ENOX1: variants seen among roughly 807,000 people sequenced by gnomAD.
The protein encoded by ENOX1 is candidate growth-related and time keeping constitutive hydroquinone (NADH) oxidase.
ENOX1 carries 42 observed loss-of-function variants against 82.5 expected under a neutral mutation model. The observed-to-expected ratio is 0.51, with a 90% CI of 0.40 to 0.66. The LOEUF (loss-of-function observed/expected upper bound fraction) is 0.66. Ranked by LOEUF, ENOX1 falls within the 30% of genes least tolerant of loss-of-function variation. The pLI, the probability that ENOX1 is intolerant of heterozygous loss-of-function variation, is 0.00. For missense variants in ENOX1, 608 were observed against 811.6 expected, an observed-to-expected ratio of 0.75 and a Z score of 3.05; for synonymous variants, 271 against 282.2, an observed-to-expected ratio of 0.96 and a Z score of 0.40.
intron 5 of ENOX1, among the ~76,000 whole-genome samples, chr13:43,389,802 AT>A (rs972683784): frequency 6.6e-6 from 1 of 152,192 alleles, no homozygotes; most frequent in African/African-American, 2.4e-5. Context: ...TTAAGTGAAA[AT>A]ATCTCTTGAT....
chr13:43,379,894 A>G (rs2051910072), intron 5 of ENOX1, among the ~76,000 whole-genome samples: 2 of 151,936 alleles, frequency 1.3e-5, no homozygotes, highest in South Asian at 4.1e-4. Flanking sequence ...GATAAAGACA[A>G]ACTCTTAAGA....
In ENOX1 at chr13:43,721,448, G is replaced by A. The variant is rs868616065; in HGVS notation, c.-284-53904C>T. ...GGCTGGAGTGCAGTGGCGGGATCTC[G>A]GCTCACTGCAAGCTCCGCCTCCCGG... On this transcript the variant is annotated intron_variant, in intron 1 of 16. Transcript: ENST00000690772. Among the ~76,000 whole-genome samples the A allele has an allele frequency of 2.8e-3, 362 of 128,286 alleles. 2 individuals are homozygous for A. In the Middle Eastern group the frequency reaches 0.054, roughly 19 times the overall value. The allele number at this position is 128,286 out of a possible 152,430, so 84.2% of individuals were successfully genotyped here. A position where few individuals can be genotyped will look rare whatever the true frequency, so the allele number is the denominator to read the frequency against.
At chr13:43,315,660 G>A (rs2047436185) in intron 11 of ENOX1, among the ~76,000 whole-genome samples, 1 of 152,210 alleles carries the variant, frequency 6.6e-6, no homozygotes, top group South Asian at 2.1e-4. Flanking sequence ...TACTAAGAGT[G>A]TCGATAAAAT....
intron 16 of ENOX1, among the ~76,000 whole-genome samples, chr13:43,220,970 G>A (rs1324205202): frequency 6.6e-6 from 1 of 152,196 alleles, no homozygotes; most frequent in Non-Finnish European, 1.5e-5. Flanking sequence ...CCATAGCCAA[G>A]ACATTTAAAT....
chr13:43,726,169 A>G (rs150659928), intron 1 of ENOX1, among the ~76,000 whole-genome samples: 237 of 152,180 alleles, frequency 1.6e-3, no homozygotes, highest in African/African-American at 5.0e-3. Context: ...CAAAAAAACA[A>G]AACTTTAAAG....
intron 2 of ENOX1, among the ~76,000 whole-genome samples, chr13:43,530,890 C>T (rs1375213849): frequency 6.6e-6 from 1 of 151,808 alleles, no homozygotes; most frequent in African/African-American, 2.4e-5. Context: ...GCCAGTTAAT[C>T]TCAATATAAC....
intron 5 of ENOX1, among the ~76,000 whole-genome samples, chr13:43,393,586 GTGGATGGA>G (rs35153723): frequency 6.6e-6 from 1 of 151,690 alleles, no homozygotes; most frequent in Non-Finnish European, 1.5e-5. Flanking sequence ...CGACAGGTGG[GTGGATGGA>G]TGGATGGATG....
chr13:43,540,152 T>C (rs910264839), intron 2 of ENOX1, among the ~76,000 whole-genome samples: 1 of 152,244 alleles, frequency 6.6e-6, no homozygotes, highest in Non-Finnish European at 1.5e-5. Context: ...TGAATACAAT[T>C]ACAAACATAT....
At chr13:43,738,733 C>CCA in intron 1 of ENOX1, among the ~76,000 whole-genome samples, 1 of 152,158 alleles carries the variant, frequency 6.6e-6, no homozygotes, top group African/African-American at 2.4e-5. Context: ...TTTTTGTTCC[C>CCA]AAACTCTGAA....
intron 4 of ENOX1, among the ~76,000 whole-genome samples, chr13:43,412,370 A>G (rs1489590414): frequency 1.3e-5 from 2 of 152,180 alleles, no homozygotes; most frequent in African/African-American, 2.4e-5. Context: ...CAAGGCTGAG[A>G]GGCAAAGCAG....
At chr13:43,313,941 A>C (rs915919877) in intron 11 of ENOX1, among the ~76,000 whole-genome samples, 3 of 152,214 alleles carry the variant, frequency 2.0e-5, no homozygotes, top group African/African-American at 7.2e-5. Context: ...CCAAGTAGAA[A>C]GCAAGGGCCT....
chr13:43,597,934 C>T (rs903437369), intron 2 of ENOX1, among the ~76,000 whole-genome samples: 7 of 152,166 alleles, frequency 4.6e-5, no homozygotes, highest in African/African-American at 1.2e-4. Flanking sequence ...CGAATGGTAC[C>T]AGCTTAGCAA....
chr13:43,665,840 G>A (rs60267864), intron 2 of ENOX1, among the ~76,000 whole-genome samples: 7,411 of 150,808 alleles, frequency 0.049, 572 homozygotes, highest in African/African-American at 0.17. Context: ...ACTGCACTTT[G>A]CTTTGTCAAA....
chr13:43,631,276 C>G (rs1206274038), intron 2 of ENOX1, among the ~76,000 whole-genome samples: 1 of 152,132 alleles, frequency 6.6e-6, no homozygotes, highest in African/African-American at 2.4e-5. Flanking sequence ...GCACTAGGCT[C>G]CCTCCCACAG....
intron 3 of ENOX1, among the ~76,000 whole-genome samples, chr13:43,462,078 C>T (rs538541578): frequency 6.6e-6 from 1 of 152,268 alleles, no homozygotes; most frequent in South Asian, 2.1e-4. Context: ...GAGGCAGGTG[C>T]TGCATAGATC....
Position 43,298,363 on chromosome 13 carries a change from T to C in ENOX1, c.1429A>G (p.Met477Val). ...CCAGGTACCTGCTGCATGCCTTGCA[T>C]GGTTTGCTGCAGAAACTGCAGTTGC... ...DQQLQFLQQT[M>V]QGMQQQLLTI... Residue 477 changes from methionine to valine, a missense_variant, in exon 12 of 17, where the codon ATG becomes GTG. Physicochemically the swap from Met to Val is conservative, Grantham distance 21. Coordinates refer to ENST00000690772, the MANE Select transcript of ENOX1 (RefSeq NM_001347969.2). 4 of 1,612,074 alleles carry C rather than the reference T, an allele frequency of 2.5e-6. No homozygotes were observed. The highest frequency in any genetic ancestry group is 3.4e-6 in the Non-Finnish European group (4 of 1,179,398).
intron 3 of ENOX1, among the ~76,000 whole-genome samples, chr13:43,429,187 C>G (rs1336340929): frequency 3.3e-5 from 5 of 152,140 alleles, no homozygotes; most frequent in Non-Finnish European, 1.5e-5. Context: ...CCTCATCTCA[C>G]GAGTCATTGG....
chr13:43,760,314 C>T (rs2153835112), intron 1 of ENOX1, among the ~76,000 whole-genome samples: 1 of 152,296 alleles, frequency 6.6e-6, no homozygotes, highest in South Asian at 2.1e-4. Context: ...CCCTGAATCA[C>T]TAAAATAGAC....
chr13:43,394,237 A>G (rs988776995), intron 5 of ENOX1, among the ~76,000 whole-genome samples: 1 of 152,234 alleles, frequency 6.6e-6, no homozygotes, highest in Non-Finnish European at 1.5e-5. Flanking sequence ...CTTACAGAGA[A>G]TGAATGAAAA....
Sources: allele counts gnomAD v4.1 joint callset (sites outside exome capture counted in the v4.1 genomes callset), GRCh38; gene constraint gnomAD v4.1.1; transcripts MANE v1.5; gene names NCBI Gene and HGNC (gene_info 2026-07-23, HGNC 2026-07-21).